THRB: variants seen among roughly 807,000 people sequenced by gnomAD.
The protein encoded by THRB is thyroid hormone receptor beta.
A neutral mutation model predicts 47.8 loss-of-function variants in THRB; 12 were observed. That is an observed-to-expected ratio of 0.25 (90% CI 0.16 to 0.41). THRB has a LOEUF of 0.41. Ranked by LOEUF, THRB falls within the 10% of genes least tolerant of loss-of-function variation. THRB has a pLI of 1.00. For missense variants in THRB, 348 were observed against 589.2 expected, an observed-to-expected ratio of 0.59 and a Z score of 4.24; for synonymous variants, 218 against 212.2, an observed-to-expected ratio of 1.03 and a Z score of -0.24.
In THRB at chr3:24,326,878, C is replaced by T. The variant is rs1394708038; in HGVS notation, c.-189+10422G>A. 2.7e-5 allele frequency among the ~76,000 whole-genome samples: 4 copies of T among 148,928 alleles called. No homozygotes were observed. In the East Asian group the frequency reaches 6.0e-4, roughly 23 times the overall value. On this transcript the variant is annotated intron_variant, in intron 2 of 10. Transcript: ENST00000646209. ...CTCCTGGGTTCAAGTGATTCTTCTG[C>T]CTCAGCCTCCTGTGTAGCTGGGACT...
At chr3:24,218,026 G>A (rs1462647125) in intron 4 of THRB, among the ~76,000 whole-genome samples, 1 of 152,100 alleles carries the variant, frequency 6.6e-6, no homozygotes, top group Non-Finnish European at 1.5e-5. Flanking sequence ...CAGCACTTTG[G>A]GAGGCTGAGG....
intron 4 of THRB, among the ~76,000 whole-genome samples, chr3:24,222,123 T>C (rs1262564353): frequency 6.6e-6 from 1 of 152,200 alleles, no homozygotes; most frequent in Non-Finnish European, 1.5e-5. Flanking sequence ...GGTCTCTTGA[T>C]TTGCCCCTTA....
At chr3:24,181,690 T>G (rs1003756124) in intron 5 of THRB, among the ~76,000 whole-genome samples, 2 of 151,862 alleles carry the variant, frequency 1.3e-5, no homozygotes, top group African/African-American at 4.8e-5. Context: ...AGCTGCACAG[T>G]ATTACTTGTT....
At chr3:24,412,522 A>G (rs952930388) in intron 1 of THRB, among the ~76,000 whole-genome samples, 1 of 151,850 alleles carries the variant, frequency 6.6e-6, no homozygotes, top group African/African-American at 2.4e-5. Context: ...AAAAGTACAG[A>G]TGGATTAAAG....
At chr3:24,146,547 G>A (rs1050142614) in intron 7 of THRB, 128 bp downstream of exon 7, 63 of 1,022,516 alleles carry the variant, frequency 6.2e-5, no homozygotes, top group South Asian at 5.2e-4. Flanking sequence ...GGGTGTATGC[G>A]AAAGTAAGGT....
chr3:24,212,423 G>C (rs768857554), intron 4 of THRB, among the ~76,000 whole-genome samples: 2 of 145,500 alleles, frequency 1.4e-5, no homozygotes, highest in Non-Finnish European at 3.0e-5. Context: ...AACAAAAAAC[G>C]AAACGAAAAT....
intron 3 of THRB, among the ~76,000 whole-genome samples, chr3:24,248,004 C>A (rs1034905870): frequency 1.3e-5 from 2 of 151,674 alleles, no homozygotes; most frequent in African/African-American, 4.9e-5. Flanking sequence ...ACATGGCCAA[C>A]CCTGTATCAG....
intron 3 of THRB, among the ~76,000 whole-genome samples, chr3:24,292,761 A>C (rs534083342): frequency 6.6e-6 from 1 of 152,212 alleles, no homozygotes; most frequent in Non-Finnish European, 1.5e-5. Context: ...AATCAATAAC[A>C]ATAATAGAAT....
intron 4 of THRB, among the ~76,000 whole-genome samples, chr3:24,228,544 A>G (rs950338279): frequency 2.6e-5 from 4 of 151,748 alleles, no homozygotes; most frequent in African/African-American, 9.7e-5. Context: ...AGGTGGGAGA[A>G]TCACTTGAGC....
chr3:24,473,011 T>C (rs772854473), intron 1 of THRB, among the ~76,000 whole-genome samples: 50 of 152,198 alleles, frequency 3.3e-4, no homozygotes, highest in Non-Finnish European at 5.9e-4. Flanking sequence ...TATGCTCTTA[T>C]ATACAATCTA....
chr3:24,224,176 C>T (rs1250261512), intron 4 of THRB, among the ~76,000 whole-genome samples: 1 of 150,220 alleles, frequency 6.7e-6, no homozygotes. Context: ...AGAGTTTATC[C>T]AGAGGGAAAT....
chr3:24,124,923 G>C (rs1227859571), intron 10 of THRB, among the ~76,000 whole-genome samples: 2 of 152,174 alleles, frequency 1.3e-5, no homozygotes, highest in South Asian at 4.1e-4. Flanking sequence ...ACATCACTGG[G>C]GAGGGTGGAT....
Position 24,190,115 on chromosome 3 carries a change from G to A in THRB, c.242C>T (p.Ser81Leu), listed in dbSNP as rs1301951155. 2 of 1,614,044 alleles carry A rather than the reference G, an allele frequency of 1.2e-6. No homozygotes were observed. The highest frequency in any genetic ancestry group is 1.7e-6 in the Non-Finnish European group (2 of 1,179,924). ...DHDDVNDQSV[S>L]SAQTFQTEEK... ...CTCCGTTTGGAAGGTCTGGGCACTT[G>A]AGACACTCTGGTCGTTCACATCATC... The change falls in exon 5 of 11, where the codon TCA becomes TTA. Residue 81 changes from serine to leucine, a missense_variant. Coordinates refer to ENST00000646209, the MANE Select transcript of THRB (RefSeq NM_001354712.2).
At chr3:24,289,957 C>A (rs2150963074) in intron 3 of THRB, among the ~76,000 whole-genome samples, 1 of 152,284 alleles carries the variant, frequency 6.6e-6, no homozygotes, top group Non-Finnish European at 1.5e-5. Flanking sequence ...GAAAAACCTC[C>A]TTACTTTTAA....
chr3:24,320,466 T>C (rs1374115118), intron 2 of THRB, among the ~76,000 whole-genome samples: 2 of 152,110 alleles, frequency 1.3e-5, no homozygotes, highest in African/African-American at 2.4e-5. Context: ...GTTCTGAATG[T>C]CCTAAAGGCC....
intron 3 of THRB, among the ~76,000 whole-genome samples, chr3:24,258,455 C>T (rs904113560): frequency 2.0e-5 from 3 of 152,180 alleles, no homozygotes; most frequent in African/African-American, 7.2e-5. Context: ...AAGCTGCCTG[C>T]AACTCCAGTT....
intron 3 of THRB, among the ~76,000 whole-genome samples, chr3:24,250,466 G>GA (rs2050553566): frequency 6.6e-6 from 1 of 152,190 alleles, no homozygotes; most frequent in Non-Finnish European, 1.5e-5. Flanking sequence ...GGAGGCTGAG[G>GA]CAGGAGGATT....
At chr3:24,406,093 A>C (rs2150128487) in intron 1 of THRB, among the ~76,000 whole-genome samples, 1 of 151,624 alleles carries the variant, frequency 6.6e-6, no homozygotes, top group African/African-American at 2.4e-5. Flanking sequence ...AGCTTTTTTC[A>C]GTTGATTCTT....
At chr3:24,204,558 CAG>C (rs1360673686) in intron 4 of THRB, among the ~76,000 whole-genome samples, 1 of 152,178 alleles carries the variant, frequency 6.6e-6, no homozygotes, top group Non-Finnish European at 1.5e-5. Context: ...GGGGAAAAAA[CAG>C]AGCAGAAAAG....
Sources: allele counts gnomAD v4.1 joint callset (sites outside exome capture counted in the v4.1 genomes callset), GRCh38; gene constraint gnomAD v4.1.1; transcripts MANE v1.5; gene names NCBI Gene and HGNC (gene_info 2026-07-23, HGNC 2026-07-21).